The following TRPM1 variants were observed in gnomAD, a reference collection of about 807,000 sequenced individuals.
TRPM1 encodes the protein TRPM1-203 APA Isoform, Intron 10.
In TRPM1, 113 loss-of-function variants were observed where a neutral mutation model predicts 149.4. That is an observed-to-expected ratio of 0.76 (90% CI 0.65 to 0.88). TRPM1 has a LOEUF of 0.88. TRPM1 is among the 40% of genes least tolerant of loss of function. The pLI is 0.00. For synonymous variants in TRPM1, 741 were observed against 759.5 expected (o/e 0.98, Z 0.40); for missense variants, 1,976 against 2,038.7 (o/e 0.97, Z 0.59).
chr15:31,097,350 C>G (rs1374898173), intron 1 of TRPM1, among the ~76,000 whole-genome samples: 2 of 151,860 alleles, frequency 1.3e-5, no homozygotes, highest in South Asian at 2.1e-4. Flanking sequence ...GCTTTTACCT[C>G]TAAGGGAACA....
intron 1 of TRPM1, among the ~76,000 whole-genome samples, chr15:31,117,992 G>A (rs1381955669): frequency 6.6e-6 from 1 of 152,216 alleles, no homozygotes; most frequent in African/African-American, 2.4e-5. Flanking sequence ...TGGGCGCAGT[G>A]GCTCACGCCT....
chr15:31,102,286 G>T (rs1384048628), upstream of TRPM1, among the ~76,000 whole-genome samples: 1 of 152,196 alleles, frequency 6.6e-6, no homozygotes, highest in Non-Finnish European at 1.5e-5. Flanking sequence ...ACAGTCACCT[G>T]AAAACCACCA....
chr15:31,016,862 C>T (rs556262075), intron 27 of TRPM1, among the ~76,000 whole-genome samples: 1 of 152,094 alleles, frequency 6.6e-6, no homozygotes, highest in Non-Finnish European at 1.5e-5. Flanking sequence ...AGCTGTGATC[C>T]TCCACGCCCA....
At chr15:31,113,423 G>C (rs1018313613) in intron 1 of TRPM1, among the ~76,000 whole-genome samples, 28 of 115,014 alleles carry the variant, frequency 2.4e-4, no homozygotes, top group Admixed American at 2.4e-3. Flanking sequence ...TCAATACCCA[G>C]CTCTGACAGT....
chr15:31,041,922 T>C, intron 17 of TRPM1, 29 bp downstream of exon 17: 2 of 1,613,820 alleles, frequency 1.2e-6, no homozygotes, highest in Non-Finnish European at 1.7e-6. Flanking sequence ...TCATCTCTCC[T>C]GGCCTTTAAA....
At chr15:31,126,923 T>G (rs2035958561) in intron 1 of TRPM1, among the ~76,000 whole-genome samples, 1 of 152,106 alleles carries the variant, frequency 6.6e-6, no homozygotes, top group African/African-American at 2.4e-5. Context: ...GCTGAGATCG[T>G]GCCACTGCAT....
intron 16 of TRPM1, among the ~76,000 whole-genome samples, chr15:31,043,564 T>C (rs939453246): frequency 6.6e-6 from 1 of 152,202 alleles, no homozygotes; most frequent in South Asian, 2.1e-4. Flanking sequence ...GTATCTTGAC[T>C]CCAATTTAAA....
At chr15:31,115,637 C>T (rs1340430200) in intron 1 of TRPM1, among the ~76,000 whole-genome samples, 1 of 151,880 alleles carries the variant, frequency 6.6e-6, no homozygotes, top group Non-Finnish European at 1.5e-5. Flanking sequence ...CCAAGCACTC[C>T]AGCAGATTCT....
At chr15:31,104,750 C>G (rs576132862), upstream of TRPM1, among the ~76,000 whole-genome samples, 1 of 151,828 alleles carries the variant, frequency 6.6e-6, no homozygotes, top group East Asian at 1.9e-4. Flanking sequence ...CCTGCCACCA[C>G]GCCCGGCCAA....
At chr15:31,113,527 AAC>A (rs1283092199) in intron 1 of TRPM1, among the ~76,000 whole-genome samples, 1 of 152,002 alleles carries the variant, frequency 6.6e-6, no homozygotes, top group South Asian at 2.1e-4. Context: ...ACTGTCAAAA[AAC>A]ATTTTTCTTT....
At chr15:31,030,513 C>T (rs2033017553) in intron 23 of TRPM1, among the ~76,000 whole-genome samples, 1 of 152,098 alleles carries the variant, frequency 6.6e-6, no homozygotes, top group Non-Finnish European at 1.5e-5. Context: ...TTTGATAATA[C>T]AAAATAGCAC....
At chr15:31,113,327 C>T (rs190666847) in intron 1 of TRPM1, among the ~76,000 whole-genome samples, 1 of 152,172 alleles carries the variant, frequency 6.6e-6, no homozygotes, top group Admixed American at 6.5e-5. Flanking sequence ...GAGCCCCTGA[C>T]TGGGAAAGAC....
intron 21 of TRPM1, 98 bp from the exon 22 acceptor site, chr15:31,033,038 A>G: frequency 6.5e-7 from 1 of 1,545,356 alleles, no homozygotes; most frequent in South Asian, 1.1e-5. Flanking sequence ...ATTCCAGGTC[A>G]TCTGGCCCCT....
chr15:31,107,740 T>A (rs560678713), intron 1 of TRPM1, among the ~76,000 whole-genome samples: 1 of 152,242 alleles, frequency 6.6e-6, no homozygotes, highest in South Asian at 2.1e-4. Flanking sequence ...AATATAGTTT[T>A]TCATATTTGT....
chr15:31,030,214 T>C (rs929568541), intron 23 of TRPM1, among the ~76,000 whole-genome samples: 1 of 152,232 alleles, frequency 6.6e-6, no homozygotes, highest in Non-Finnish European at 1.5e-5. Flanking sequence ...TATTCCCAAA[T>C]AGCAGAGCTC....
intron 1 of TRPM1, among the ~76,000 whole-genome samples, chr15:31,156,429 T>A (rs2141066803): frequency 6.6e-6 from 1 of 152,208 alleles, no homozygotes; most frequent in Admixed American, 6.5e-5. Flanking sequence ...CCATCTATTG[T>A]CTCTAAGGGT....
chr15:31,109,364 TAAAAGA>T (rs1173793900), intron 1 of TRPM1, among the ~76,000 whole-genome samples: 1 of 69,738 alleles, frequency 1.4e-5, no homozygotes, highest in Non-Finnish European at 2.8e-5. Flanking sequence ...AAAAAAAAGA[TAAAAGA>T]AAAAGAAAAG....
Position 31,002,162 on chromosome 15 carries a change from T to C in TRPM1, c.4538A>G (p.Glu1513Gly). 6.2e-7 allele frequency: 1 copy of C among 1,614,272 alleles called. No homozygotes were observed. The highest frequency in any genetic ancestry group is 8.5e-7 in the Non-Finnish European group (1 of 1,180,042). Residue 1513 changes from glutamate to glycine, a missense_variant, in exon 28 of 28, where the codon GAA (glutamate) becomes GGA (glycine). This residue lies in a region of TRPM1 where 572 missense variants were observed against 578.9 expected (regional missense o/e 0.99). Coordinates refer to ENST00000256552, the MANE Select transcript of TRPM1 (RefSeq NM_001252024.2). ...TTTATGCTCAGCTTGCACTGCAGCT[T>C]CCGACACAATGTAAGGAATATCTGT... is the stretch of plus-strand genomic sequence containing the variant. ...HSTDIPYIVS[E>G]AAVQAEHKEQ...
At chr15:31,029,262 A>G in intron 24 of TRPM1, 109 bp downstream of exon 24, 2 of 1,203,022 alleles carry the variant, frequency 1.7e-6, no homozygotes, top group Admixed American at 1.8e-5. Flanking sequence ...GCACCAAAAA[A>G]CAAGAGAAGT....
Sources: gnomAD v4.1 joint callset for allele counts (sites outside exome capture counted in the v4.1 genomes callset) on GRCh38, gnomAD v4.1.1 for gene constraint, gnomAD v4.1.1 regional missense constraint, MANE v1.5 for transcripts, NCBI Gene and HGNC (gene_info 2026-07-23, HGNC 2026-07-21) for gene names.